OPCML: variants seen among roughly 807,000 people sequenced by gnomAD.
The protein encoded by OPCML is opioid binding protein/cell adhesion molecule like.
OPCML carries 13 observed loss-of-function variants against 37.8 expected under a neutral mutation model. The observed-to-expected ratio is 0.34, with a 90% CI of 0.22 to 0.55. The LOEUF (loss-of-function observed/expected upper bound fraction) is 0.55, where lower values mean the gene tolerates loss of function less well. Ranked by LOEUF, OPCML falls within the 20% of genes least tolerant of loss-of-function variation. The pLI is 0.91. For missense variants in OPCML, 341 were observed against 435.6 expected, an observed-to-expected ratio of 0.78 and a Z score of 1.93; for synonymous variants, 176 against 168.8, an observed-to-expected ratio of 1.04 and a Z score of -0.33.
intron 1 of OPCML, among the ~76,000 whole-genome samples, chr11:133,031,146 CT>C (rs1378633009): frequency 1.0e-3 from 153 of 152,226 alleles, no homozygotes; most frequent in African/African-American, 3.4e-3. Flanking sequence ...AAAAGTACCT[CT>C]TCAAGAGATG....
chr11:133,486,920 C>A (rs1332517086), intron 1 of OPCML, among the ~76,000 whole-genome samples: 2 of 151,254 alleles, frequency 1.3e-5, no homozygotes, highest in Non-Finnish European at 3.0e-5. Context: ...CCCCTCCACC[C>A]CCTACATAAC....
At chr11:132,657,701 A>G (rs777905925) in intron 2 of OPCML, among the ~76,000 whole-genome samples, 12 of 152,182 alleles carry the variant, frequency 7.9e-5, no homozygotes, top group Non-Finnish European at 1.8e-4. Context: ...TCAGCATTTC[A>G]AATAGGTCAC....
At chr11:133,017,080 G>A (rs1947347987) in intron 1 of OPCML, among the ~76,000 whole-genome samples, 1 of 152,140 alleles carries the variant, frequency 6.6e-6, no homozygotes, top group Non-Finnish European at 1.5e-5. Context: ...GTGCCTGCAG[G>A]GTTGGATTCT....
chr11:133,202,738 C>G (rs1938853649), intron 1 of OPCML, among the ~76,000 whole-genome samples: 1 of 152,234 alleles, frequency 6.6e-6, no homozygotes, highest in African/African-American at 2.4e-5. Flanking sequence ...ACAGGCATCA[C>G]TGACACTGGC....
chr11:132,834,791 C>G (rs1252663638), intron 2 of OPCML, among the ~76,000 whole-genome samples: 1 of 152,150 alleles, frequency 6.6e-6, no homozygotes, highest in African/African-American at 2.4e-5. Context: ...GGCAAGAGAG[C>G]GTAGGACTTC....
intron 1 of OPCML, among the ~76,000 whole-genome samples, chr11:133,171,593 C>T (rs928829934): frequency 1.3e-5 from 2 of 152,214 alleles, no homozygotes; most frequent in Admixed American, 6.5e-5. Context: ...AGCCAGCGCT[C>T]GAACTGTTTG....
intron 3 of OPCML, among the ~76,000 whole-genome samples, chr11:132,539,715 G>T (rs565394895): frequency 2.4e-4 from 36 of 152,082 alleles, no homozygotes; most frequent in African/African-American, 8.2e-4. Context: ...AATGGTTATG[G>T]TGATGATGAT....
At chr11:133,509,727 G>C (rs1948112778) in intron 1 of OPCML, among the ~76,000 whole-genome samples, 1 of 152,140 alleles carries the variant, frequency 6.6e-6, no homozygotes, top group African/African-American at 2.4e-5. Context: ...AGAAGGCATT[G>C]GCTTCTCTCC....
intron 3 of OPCML, among the ~76,000 whole-genome samples, chr11:132,581,236 T>C (rs2096461453): frequency 6.6e-6 from 1 of 152,198 alleles, no homozygotes; most frequent in South Asian, 2.1e-4. Flanking sequence ...GTTATAGTCA[T>C]TTAATGATTT....
intron 1 of OPCML, among the ~76,000 whole-genome samples, chr11:133,491,294 A>T (rs1231867166): frequency 1.3e-5 from 2 of 152,188 alleles, no homozygotes; most frequent in East Asian, 1.9e-4. Context: ...GTCACTTTAC[A>T]CCTTCCCCTC....
rs545950370 is a variant in OPCML at position 133,234,090 on chromosome 11, T to C, written c.62-291080A>G. ...AGATGTTCCCTTATCAACAAGACAA[T>C]GGGAGTATTGTTATAAAGAGAGGGA... On this transcript the variant is annotated intron_variant, in intron 1 of 7. Coordinates refer to ENST00000524381, the MANE Select transcript of OPCML (RefSeq NM_001012393.5). Among the ~76,000 whole-genome samples, 550 of 152,244 alleles carry C rather than the reference T, an allele frequency of 3.6e-3. 4 individuals carry two copies. The highest frequency in any genetic ancestry group is 0.012 in the African/African-American group (493 of 41,548).
At chr11:132,549,551 A>G (rs1303254560) in intron 3 of OPCML, among the ~76,000 whole-genome samples, 2 of 152,198 alleles carry the variant, frequency 1.3e-5, no homozygotes, top group African/African-American at 4.8e-5. Context: ...TAGCGAGGGT[A>G]TGGGAGTCCT....
At chr11:133,167,226 C>T (rs1459661127) in intron 1 of OPCML, among the ~76,000 whole-genome samples, 2 of 152,020 alleles carry the variant, frequency 1.3e-5, no homozygotes, top group African/African-American at 2.4e-5. Flanking sequence ...TGGGTCTTTG[C>T]TTCCCTCATC....
chr11:132,923,261 C>T (rs569212161), intron 2 of OPCML, among the ~76,000 whole-genome samples: 4 of 152,128 alleles, frequency 2.6e-5, no homozygotes, highest in African/African-American at 7.2e-5. Flanking sequence ...AAAAATAGTG[C>T]ACCAAACTAG....
intron 4 of OPCML, among the ~76,000 whole-genome samples, chr11:132,500,573 G>C (rs1249339967): frequency 6.6e-6 from 1 of 151,994 alleles, no homozygotes; most frequent in East Asian, 1.9e-4. Flanking sequence ...TATTTATTTT[G>C]TTTTACTTTA....
At chr11:132,790,885 G>A (rs1412404356) in intron 2 of OPCML, among the ~76,000 whole-genome samples, 2 of 152,150 alleles carry the variant, frequency 1.3e-5, no homozygotes, top group South Asian at 2.1e-4. Flanking sequence ...ACACAGCCAG[G>A]GAGAAAGATT....
intron 3 of OPCML, among the ~76,000 whole-genome samples, chr11:132,572,731 G>A (rs994925073): frequency 6.6e-6 from 1 of 152,024 alleles, no homozygotes; most frequent in African/African-American, 2.4e-5. Context: ...TCTATTCCTA[G>A]TATTTTGTAG....
At chr11:132,973,375 T>G (rs1181915418) in intron 1 of OPCML, among the ~76,000 whole-genome samples, 1 of 152,224 alleles carries the variant, frequency 6.6e-6, no homozygotes, top group Non-Finnish European at 1.5e-5. Context: ...CCCACCATGA[T>G]GCATCTTTGA....
intron 1 of OPCML, among the ~76,000 whole-genome samples, chr11:133,141,279 G>T (rs1277598132): frequency 1.3e-5 from 2 of 151,860 alleles, no homozygotes; most frequent in Non-Finnish European, 2.9e-5. Flanking sequence ...CCTTACTCTT[G>T]TTTCCAGATC....
Sources: gnomAD v4.1 joint callset for allele counts (sites outside exome capture counted in the v4.1 genomes callset) on GRCh38, gnomAD v4.1.1 for gene constraint, MANE v1.5 for transcripts, NCBI Gene and HGNC (gene_info 2026-07-23, HGNC 2026-07-21) for gene names.